SLC26A7: variants seen among roughly 807,000 people sequenced by gnomAD.
SLC26A7 encodes anion exchange transporter.
Under a neutral mutation model 82.5 loss-of-function variants are expected in SLC26A7, and 59 were observed. The ratio of observed to expected loss-of-function variants is 0.72; its 90% CI spans 0.58 to 0.89. SLC26A7 has a LOEUF of 0.89. Among genes scored for constraint, SLC26A7 ranks in the 40% least tolerant of loss-of-function variants. SLC26A7 has a pLI of 0.00. For synonymous variants in SLC26A7, 271 were observed against 274.3 expected, an observed-to-expected ratio of 0.99 and a Z score of 0.12; for missense variants, 820 against 793.0, an observed-to-expected ratio of 1.03 and a Z score of -0.41.
intron 13 of SLC26A7, among the ~76,000 whole-genome samples, chr8:91,366,247 T>C (rs1814188454): frequency 6.6e-6 from 1 of 152,152 alleles, no homozygotes; most frequent in Non-Finnish European, 1.5e-5. Context: ...AATTGGTAGA[T>C]TGAATGAAAG....
chr8:91,323,134 A>G (rs1339877726), intron 5 of SLC26A7, among the ~76,000 whole-genome samples: 2 of 152,222 alleles, frequency 1.3e-5, no homozygotes, highest in African/African-American at 4.8e-5. Context: ...GAAAGCTCAC[A>G]GTTTCTCTGC....
chr8:91,321,971 A>G (rs1364724277), intron 5 of SLC26A7, among the ~76,000 whole-genome samples: 1 of 152,182 alleles, frequency 6.6e-6, no homozygotes, highest in Non-Finnish European at 1.5e-5. Context: ...AAAGCATGGA[A>G]CATAGGTGTT....
At chr8:91,309,631 G>T (rs184233064) in intron 4 of SLC26A7, among the ~76,000 whole-genome samples, 2 of 151,978 alleles carry the variant, frequency 1.3e-5, no homozygotes, top group African/African-American at 2.4e-5. Flanking sequence ...AGGTGCATAA[G>T]GCAGAAGGAG....
At chr8:91,387,008 A>G (rs1814819383) in intron 15 of SLC26A7, among the ~76,000 whole-genome samples, 2 of 152,092 alleles carry the variant, frequency 1.3e-5, no homozygotes, top group Admixed American at 6.6e-5. Context: ...ACTCCATTAT[A>G]TATATTTTAC....
At chr8:91,249,938 C>A in intron 2 of SLC26A7, 94 bp downstream of exon 2, 1 of 935,148 alleles carries the variant, frequency 1.1e-6, no homozygotes, top group Non-Finnish European at 1.5e-6. Context: ...AACAATTTAG[C>A]TAAATAAATG....
intron 4 of SLC26A7, among the ~76,000 whole-genome samples, chr8:91,317,901 G>T (rs1812682510): frequency 1.4e-5 from 2 of 145,342 alleles, no homozygotes; most frequent in Admixed American, 6.9e-5. Flanking sequence ...TACTCACATT[G>T]TACCTAATAA....
At chr8:91,298,026 G>A (rs984103955) in intron 4 of SLC26A7, among the ~76,000 whole-genome samples, 3 of 152,042 alleles carry the variant, frequency 2.0e-5, no homozygotes, top group Non-Finnish European at 2.9e-5. Context: ...CCCTCCTATC[G>A]GAGGCTTACA....
chr8:91,232,656 G>C (rs1810325027), intron 2 of SLC26A7, among the ~76,000 whole-genome samples: 1 of 152,172 alleles, frequency 6.6e-6, no homozygotes, highest in Non-Finnish European at 1.5e-5. Flanking sequence ...GGAGTGGGGA[G>C]ACTTAGTGAT....
At position 91,397,490 on chromosome 8, in the gene SLC26A7, T is replaced by G. The variant is rs1808602088; in HGVS notation, c.*2393T>G. The G allele has an allele frequency of 1.3e-5, 2 of 152,438 alleles. No homozygotes were observed. Among genetic ancestry groups the G allele is most frequent in the African/African-American group, 4.8e-5 (2 of 41,432 alleles). 9.4% of individuals were successfully genotyped at this position (152,438 alleles called of 1,614,324 possible). On this transcript the variant is annotated 3_prime_UTR_variant, in exon 19 of 19. Transcript: ENST00000276609. The stretch of plus-strand genomic sequence containing the variant: ...TAATGCTTATTATGGTAAAATAAAA[T>G]TGGAAAAAATTAAAACTGACCTATA...
chr8:91,216,576 G>C (rs1471901047), intron 1 of SLC26A7, among the ~76,000 whole-genome samples: 1 of 152,052 alleles, frequency 6.6e-6, no homozygotes, highest in Admixed American at 6.6e-5. Context: ...TTTAATTCTA[G>C]CTGAGATATG....
At chr8:91,220,388 T>TA (rs59098803) in intron 2 of SLC26A7, among the ~76,000 whole-genome samples, 2,924 of 144,238 alleles carry the variant, frequency 0.02, 34 homozygotes, top group Non-Finnish European at 0.022. Context: ...TTATTTCTTC[T>TA]AAAAAAAAAA....
chr8:91,359,645 G>A (rs934241543), intron 11 of SLC26A7, among the ~76,000 whole-genome samples: 32 of 152,164 alleles, frequency 2.1e-4, no homozygotes, highest in African/African-American at 7.7e-4. Context: ...TGTGGTTGGA[G>A]TGGATAGATA....
chr8:91,333,689 C>T (rs1445310795), intron 5 of SLC26A7, among the ~76,000 whole-genome samples: 1 of 152,106 alleles, frequency 6.6e-6, no homozygotes, highest in Non-Finnish European at 1.5e-5. Flanking sequence ...CTACACTAGA[C>T]CATGAGCTCT....
At chr8:91,304,360 G>T (rs1812245914) in intron 4 of SLC26A7, among the ~76,000 whole-genome samples, 2 of 152,218 alleles carry the variant, frequency 1.3e-5, no homozygotes, top group African/African-American at 2.4e-5. Flanking sequence ...GTTCCCATGA[G>T]ATTTGATTGT....
At chr8:91,379,491 TTCAGAGGGGGAAAACCC>T (rs1269719808) in intron 15 of SLC26A7, among the ~76,000 whole-genome samples, 1 of 151,954 alleles carries the variant, frequency 6.6e-6, no homozygotes, top group African/African-American at 2.4e-5. Context: ...GAGTAGAGAG[TTCAGAGGGGGAAAACCC>T]TCACATGTAT....
rs1814889243 is a variant in SLC26A7 at position 91,389,350 on chromosome 8, A to G, written c.1688A>G (p.Gln563Arg). 3 of 1,613,742 alleles carry G rather than the reference A, an allele frequency of 1.9e-6. No homozygotes were observed. The highest frequency in any genetic ancestry group is 8.5e-7 in the Non-Finnish European group (1 of 1,179,694). ...GTTTCTCCTACAGAAGAAGCTTCAC[A>G]GTCCTGCCCTAATGAGAAGTGTTAT... ...SNGNCNEEAS[Q>R]SCPNEKCYLI... The change falls in exon 16 of 19, where the codon CAG (glutamine) becomes CGG (arginine). Residue 563 changes from glutamine (Q) to arginine (R), a missense_variant. By Grantham distance (43) the Gln-to-Arg change is conservative. Transcript: ENST00000276609.
intron 1 of SLC26A7, among the ~76,000 whole-genome samples, chr8:91,218,633 A>G (rs1280662630): frequency 1.3e-5 from 2 of 152,182 alleles, no homozygotes; most frequent in East Asian, 1.9e-4. Context: ...CTTTATGGTT[A>G]GACTACATAA....
intron 5 of SLC26A7, among the ~76,000 whole-genome samples, chr8:91,323,477 C>T (rs890082317): frequency 2.0e-5 from 3 of 152,164 alleles, no homozygotes; most frequent in African/African-American, 7.2e-5. Flanking sequence ...AACTAATTTA[C>T]CAAACAAGAG....
At chr8:91,290,464 T>G (rs934547537) in intron 3 of SLC26A7, among the ~76,000 whole-genome samples, 3 of 152,196 alleles carry the variant, frequency 2.0e-5, no homozygotes, top group African/African-American at 7.2e-5. Flanking sequence ...ACTTTTCTAG[T>G]TTCTAGAGGC....
Sources: gnomAD v4.1 joint callset for allele counts (sites outside exome capture counted in the v4.1 genomes callset) on GRCh38, gnomAD v4.1.1 for gene constraint, MANE v1.5 for transcripts, NCBI Gene and HGNC (gene_info 2026-07-23, HGNC 2026-07-21) for gene names.